The following PDE1C variants were observed in gnomAD, a reference collection of about 807,000 sequenced individuals.
PDE1C encodes the protein dual specificity calcium/calmodulin-dependent 3',5'-cyclic nucleotide phosphodiesterase 1C.
PDE1C carries 62 observed loss-of-function variants against 93.1 expected under a neutral mutation model. The ratio of observed to expected loss-of-function variants is 0.67; its 90% CI spans 0.54 to 0.82. The LOEUF is 0.82. Among genes scored for constraint, PDE1C ranks in the 40% least tolerant of loss-of-function variants. The pLI is 0.00. For synonymous variants in PDE1C, 325 were observed against 310.1 expected (o/e 1.05, Z -0.50); for missense variants, 742 against 884.6 (o/e 0.84, Z 2.04).
chr7:32,032,165 G>C (rs1325019511), intron 2 of PDE1C, among the ~76,000 whole-genome samples: 4 of 152,146 alleles, frequency 2.6e-5, no homozygotes, highest in African/African-American at 9.7e-5. Context: ...ATGTGTTCTA[G>C]AAACCCAGGA....
intron 1 of PDE1C, among the ~76,000 whole-genome samples, chr7:32,277,984 G>A (rs985750694): frequency 3.3e-5 from 5 of 152,070 alleles, no homozygotes; most frequent in South Asian, 2.1e-4. Flanking sequence ...AGGACACACC[G>A]GTGATGTCCT....
the PDE1C span, among the ~76,000 whole-genome samples, chr7:31,627,340 A>C: frequency 6.6e-6 from 1 of 152,200 alleles, no homozygotes; most frequent in Admixed American, 6.5e-5. Context: ...ACATCATGGA[A>C]GATATTCTTT....
intron 2 of PDE1C, among the ~76,000 whole-genome samples, chr7:31,896,597 A>T (rs901886117): frequency 3.3e-5 from 5 of 152,228 alleles, no homozygotes; most frequent in South Asian, 2.1e-4. Context: ...AAGACAGAAG[A>T]TCTCTTGAAG....
At chr7:31,685,077 G>GAC in the PDE1C span, among the ~76,000 whole-genome samples, 2,259 of 151,382 alleles carry the variant, frequency 0.015, 57 homozygotes, top group African/African-American at 0.052. Context: ...ACAAATTATT[G>GAC]ACACACACAA....
chr7:32,312,892 A>C (rs574304881), intron 1 of PDE1C, among the ~76,000 whole-genome samples: 2 of 152,358 alleles, frequency 1.3e-5, no homozygotes, highest in Admixed American at 1.3e-4. Context: ...ACAAAAGCCA[A>C]AATTGACAAA....
At chr7:32,263,408 AT>A (rs1347194714) in intron 1 of PDE1C, among the ~76,000 whole-genome samples, 1 of 151,578 alleles carries the variant, frequency 6.6e-6, no homozygotes, top group African/African-American at 2.4e-5. Flanking sequence ...ATTTAATTTA[AT>A]TTTTATTTAT....
At position 32,418,756 on chromosome 7, in the gene PDE1C, A is replaced by G. The variant is rs180796818; in HGVS notation, c.310+9066T>C. On this transcript the variant is annotated intron_variant, in intron 1 of 1. Transcript: ENST00000672256. ...AATAAAGTCCCAAACAAACAAACAA[A>G]CAAAAAATTAAAAATTAAAGTCCCA... Among the ~76,000 whole-genome samples, 104 of 152,296 alleles carry G rather than the reference A, an allele frequency of 6.8e-4. 1 individual carries two copies. The highest frequency in any genetic ancestry group is 6.7e-3 in the Admixed American group (103 of 15,300).
intron 1 of PDE1C, among the ~76,000 whole-genome samples, chr7:32,397,168 CATA>C (rs1158033476): frequency 6.6e-6 from 1 of 151,926 alleles, no homozygotes; most frequent in African/African-American, 2.4e-5. Context: ...CAAAAAATAT[CATA>C]ACCAAAGCCG....
intron 3 of PDE1C, among the ~76,000 whole-genome samples, chr7:32,116,661 G>A (rs1799000659): frequency 1.3e-5 from 2 of 152,160 alleles, no homozygotes; most frequent in Non-Finnish European, 2.9e-5. Flanking sequence ...CACAGAAGGT[G>A]CAGTAACCTT....
intron 1 of PDE1C, among the ~76,000 whole-genome samples, chr7:32,215,155 G>T (rs1806336968): frequency 6.6e-6 from 1 of 152,076 alleles, no homozygotes; most frequent in Admixed American, 6.6e-5. Context: ...CAGGAGGTGT[G>T]CAGCGGGGAC....
chr7:32,338,433 C>A (rs1338493950), intron 1 of PDE1C, among the ~76,000 whole-genome samples: 1 of 152,168 alleles, frequency 6.6e-6, no homozygotes, highest in Admixed American at 6.6e-5. Flanking sequence ...TCACTACACA[C>A]TCACTAGGAT....
chr7:31,759,168 C>G (rs1219286936), intron 17 of PDE1C, among the ~76,000 whole-genome samples: 2 of 152,186 alleles, frequency 1.3e-5, no homozygotes, highest in Non-Finnish European at 2.9e-5. Context: ...GTTTTGTATG[C>G]ATTCATTGCC....
chr7:32,028,008 A>G (rs1174974715), intron 2 of PDE1C, among the ~76,000 whole-genome samples: 2 of 152,156 alleles, frequency 1.3e-5, no homozygotes, highest in Non-Finnish European at 2.9e-5. Flanking sequence ...AGGATGATGC[A>G]AAATCAATCC....
At chr7:32,348,490 A>G (rs1184978645) in intron 1 of PDE1C, among the ~76,000 whole-genome samples, 2 of 144,732 alleles carry the variant, frequency 1.4e-5, no homozygotes, top group African/African-American at 5.1e-5. Context: ...TCAGCCTCCC[A>G]GGTAGCTGGG....
At chr7:32,382,899 C>A (rs1351418487) in intron 1 of PDE1C, among the ~76,000 whole-genome samples, 1 of 152,214 alleles carries the variant, frequency 6.6e-6, no homozygotes, top group Admixed American at 6.5e-5. Flanking sequence ...CCCTGTGGAC[C>A]TCTCTGCTTC....
chr7:32,154,995 G>C (rs1166246318), intron 3 of PDE1C, among the ~76,000 whole-genome samples: 1 of 152,258 alleles, frequency 6.6e-6, no homozygotes, highest in Non-Finnish European at 1.5e-5. Context: ...GCCAGCCAGT[G>C]CTGCAGTGAG....
chr7:32,389,202 TTTTGTTTGTTTG>T (rs3079686), intron 1 of PDE1C, among the ~76,000 whole-genome samples: 3 of 136,146 alleles, frequency 2.2e-5, no homozygotes, highest in Non-Finnish European at 4.7e-5. Flanking sequence ...TTTTTTTGGT[TTTTGTTTGTTTG>T]TTTGTTTGTT....
intron 2 of PDE1C, chr7:32,170,067 T>G: frequency 2.2e-6 from 2 of 904,390 alleles, no homozygotes; most frequent in Non-Finnish European, 3.4e-6. Flanking sequence ...TTTATATATT[T>G]CTCACCATCT....
the PDE1C span, among the ~76,000 whole-genome samples, chr7:31,647,723 AACG>A: frequency 3.3e-5 from 5 of 150,772 alleles, no homozygotes; most frequent in African/African-American, 4.9e-5. Context: ...CGATGACGAC[AACG>A]ACGACGACAA....
Sources: gnomAD v4.1 joint callset for allele counts (sites outside exome capture counted in the v4.1 genomes callset) on GRCh38, gnomAD v4.1.1 for gene constraint, MANE v1.5 for transcripts, NCBI Gene and HGNC (gene_info 2026-07-23, HGNC 2026-07-21) for gene names.